The following PASD1 variants were observed in gnomAD, a reference collection of about 807,000 sequenced individuals.
The protein encoded by PASD1 is circadian clock protein PASD1.
PASD1 carries 13 observed loss-of-function variants against 58.8 expected under a neutral mutation model. The observed-to-expected ratio is 0.22, with a 90% CI of 0.14 to 0.35. The LOEUF (loss-of-function observed/expected upper bound fraction) is 0.35, where lower values mean the gene tolerates loss of function less well. Among genes scored for constraint, PASD1 ranks in the 10% least tolerant of loss-of-function variants. The probability of loss-of-function intolerance (pLI) is 1.00; values close to 1 mark genes in which losing one functional copy is unlikely to be tolerated. For missense variants in PASD1, 734 were observed against 568.3 expected (o/e 1.29, Z -2.96); for synonymous variants, 236 against 216.7 (o/e 1.09, Z -0.78).
intron 4 of PASD1, among the ~76,000 whole-genome samples, chrX:151,614,788 C>T (rs750214780): frequency 8.9e-6 from 1 of 111,750 alleles, no homozygotes; most frequent in East Asian, 2.8e-4. Flanking sequence ...TTAGCCAGGC[C>T]AGTTGGCATG....
intron 1 of PASD1, among the ~76,000 whole-genome samples, chrX:151,586,623 T>TCTG (rs2013170126): frequency 2.7e-5 from 3 of 111,709 alleles, no homozygotes; most frequent in African/African-American, 9.8e-5. Flanking sequence ...TGGCTCTACC[T>TCTG]CTGCTGCCAC....
chrX:151,600,001 G>A (rs990512561), intron 1 of PASD1, among the ~76,000 whole-genome samples: 2 of 112,452 alleles, frequency 1.8e-5, no homozygotes, highest in African/African-American at 6.5e-5. Context: ...GCGAGACTCT[G>A]TTTGCAATCC....
At position 151,676,152 on chromosome X, in the gene PASD1, T is replaced by C; in HGVS notation, c.*9T>C. On this transcript the variant is annotated 3_prime_UTR_variant, in exon 16 of 16. Coordinates refer to ENST00000370357, the MANE Select transcript of PASD1 (RefSeq NM_173493.3). Reference sequence around the variant, plus strand: ...CAAATAAGCCGTGCTAACAGTACTTTCATGACCAGTGATGAGGGGAAATGG... The same window carrying C: ...CAAATAAGCCGTGCTAACAGTACTTCCATGACCAGTGATGAGGGGAAATGG... 2 of 1,199,977 alleles carry C rather than the reference T, an allele frequency of 1.7e-6. No individual in the cohort carries two copies. The highest frequency in any genetic ancestry group is 2.2e-6 in the Non-Finnish European group (2 of 889,463).
intron 3 of PASD1, among the ~76,000 whole-genome samples, chrX:151,610,226 CT>C (rs753833594): frequency 9.0e-6 from 1 of 111,568 alleles, no homozygotes; most frequent in East Asian, 2.8e-4. Flanking sequence ...ATGAATTTAT[CT>C]TATTTTTCCA....
chrX:151,668,163 AT>A (rs1267233641), intron 11 of PASD1, among the ~76,000 whole-genome samples: 51 of 111,588 alleles, frequency 4.6e-4, no homozygotes, highest in Non-Finnish European at 8.5e-4. Flanking sequence ...AGCTGTTATC[AT>A]TTTGAGATAC....
chrX:151,604,662 A>G lies in PASD1; in HGVS notation c.45A>G (p.Lys15=). 8.3e-7 allele frequency: 1 copy of G among 1,204,864 alleles called. No homozygotes were observed. Among genetic ancestry groups the G allele is most frequent in the Non-Finnish European group, 1.1e-6 (1 of 890,613 alleles). The change falls in exon 3 of 16, where the codon AAA becomes AAG. Residue 15 remains lysine (K), a synonymous_variant. Transcript: ENST00000370357. The part of the protein sequence containing the change: ...GEKRRDKVNP[K]SSQRKLNWIP... ...TCTAAAAAGACAAAGTCAATCCAAA[A>G]AGCTCTCAAAGGAAATTAAACTGGA...
intron 15 of PASD1, among the ~76,000 whole-genome samples, 191 bp downstream of exon 15, chrX:151,674,377 C>T (rs1372236858): frequency 8.9e-6 from 1 of 112,299 alleles, no homozygotes; most frequent in Non-Finnish European, 1.9e-5. Flanking sequence ...TACAGGGTTC[C>T]TCAAAAAAGT....
At chrX:151,667,467 C>G (rs1308502903) in intron 11 of PASD1, among the ~76,000 whole-genome samples, 1 of 111,886 alleles carries the variant, frequency 8.9e-6, no homozygotes, top group Non-Finnish European at 1.9e-5. Context: ...ACGCCTATGT[C>G]CTGAATGGTA....
chrX:151,654,105 G>A (rs1259721265), intron 9 of PASD1, among the ~76,000 whole-genome samples: 3 of 103,097 alleles, frequency 2.9e-5, no homozygotes, highest in African/African-American at 1.1e-4. Flanking sequence ...AAGTAGCTGG[G>A]ACTGCAGGCA....
chrX:151,648,793 T>C, intron 9 of PASD1, 91 bp downstream of exon 9: 1 of 1,017,562 alleles, frequency 9.8e-7, no homozygotes, highest in South Asian at 2.2e-5. Flanking sequence ...AAGAAGTATG[T>C]CATATGGATG....
At chrX:151,601,658 A>G in intron 2 of PASD1, 77 bp downstream of exon 2, 1 of 1,034,509 alleles carries the variant, frequency 9.7e-7, no homozygotes, top group East Asian at 3.1e-5. Context: ...CATCTAGCAA[A>G]ATGCTACTTC....
chrX:151,592,007 A>G (rs888966979), intron 1 of PASD1, among the ~76,000 whole-genome samples: 1 of 111,935 alleles, frequency 8.9e-6, no homozygotes, highest in Non-Finnish European at 1.9e-5. Context: ...CTTCTCTGCT[A>G]TATGTATGTG....
intron 1 of PASD1, among the ~76,000 whole-genome samples, chrX:151,580,508 C>CT (rs200293926): frequency 0.1 from 6,680 of 67,057 alleles, 300 homozygotes; most frequent in African/African-American, 0.19. Flanking sequence ...TTCTTTTTTT[C>CT]TTTTTTTTTT....
chrX:151,671,559 C>G lies in PASD1; in HGVS notation c.1231-14C>G. ...GACTGTGAATAAGACCTTTGTGATA[C>G]TGTGTCCTTACAGAAGCAGCCAAAC... On this transcript the variant is annotated splice_polypyrimidine_tract_variant and intron_variant, in intron 12 of 15. Transcript: ENST00000370357. The G allele has an allele frequency of 8.3e-7, 1 of 1,206,051 alleles. No individual in the cohort carries two copies. The highest frequency in any genetic ancestry group is 1.1e-6 in the Non-Finnish European group (1 of 891,406).
intron 2 of PASD1, among the ~76,000 whole-genome samples, chrX:151,602,816 A>G (rs1468973181): frequency 1.8e-5 from 2 of 112,087 alleles, no homozygotes; most frequent in Non-Finnish European, 3.8e-5. Context: ...CCTGTCTCTC[A>G]GGCTTCACTT....
intron 10 of PASD1, 147 bp from the exon 11 acceptor site, chrX:151,663,972 G>T: frequency 3.1e-6 from 3 of 967,074 alleles, no homozygotes; most frequent in Non-Finnish European, 4.1e-6. Flanking sequence ...AATATGAACA[G>T]ATTTTTAAAA....
At chrX:151,647,984 A>G (rs934542937) in intron 8 of PASD1, among the ~76,000 whole-genome samples, 16 of 111,568 alleles carry the variant, frequency 1.4e-4, no homozygotes, top group African/African-American at 3.9e-4. Context: ...GGGCTTTTCT[A>G]AAGAAAAACT....
At chrX:151,675,597 GTCTCCTGTC>G (rs1320642928) in intron 15 of PASD1, among the ~76,000 whole-genome samples, 2 of 112,114 alleles carry the variant, frequency 1.8e-5, no homozygotes, top group Non-Finnish European at 3.8e-5. Flanking sequence ...GGGTTGGTAC[GTCTCCTGTC>G]ACTTTGTTAA....
chrX:151,597,443 CTCTGTTTT>C (rs1319119212), intron 1 of PASD1, among the ~76,000 whole-genome samples: 2 of 111,728 alleles, frequency 1.8e-5, no homozygotes, highest in African/African-American at 6.5e-5. Flanking sequence ...TTATCTGTTT[CTCTGTTTT>C]CAAATTTATG....
Sources: allele counts gnomAD v4.1 joint callset (sites outside exome capture counted in the v4.1 genomes callset), GRCh38; gene constraint gnomAD v4.1.1; transcripts MANE v1.5; gene names NCBI Gene and HGNC (gene_info 2026-07-23, HGNC 2026-07-21).